The following LUZP1 variants were observed in gnomAD, a reference collection of about 807,000 sequenced individuals.
The protein encoded by LUZP1 is leucine zipper protein 1, also known as filamin mechanobinding actin cross-linking protein.
In LUZP1, 25 loss-of-function variants were observed where a neutral mutation model predicts 71.3. The observed-to-expected ratio is 0.35, with a 90% confidence interval of 0.26 to 0.49. The LOEUF is 0.49. Ranked by LOEUF, LUZP1 falls within the 20% of genes least tolerant of loss-of-function variation. The pLI is 0.99. For synonymous variants in LUZP1, 481 were observed against 506.4 expected, an observed-to-expected ratio of 0.95 and a Z score of 0.67; for missense variants, 1,142 against 1,300.8, an observed-to-expected ratio of 0.88 and a Z score of 1.88.
At chr1:23,139,264 T>C (rs1236451522) in intron 2 of LUZP1, among the ~76,000 whole-genome samples, 1 of 151,732 alleles carries the variant, frequency 6.6e-6, no homozygotes, top group Admixed American at 6.6e-5. Context: ...GCATGTACTA[T>C]AAAGTGGGAA....
chr1:23,100,451 G>T (rs1643921862), intron 3 of LUZP1, among the ~76,000 whole-genome samples: 1 of 152,088 alleles, frequency 6.6e-6, no homozygotes, highest in Non-Finnish European at 1.5e-5. Flanking sequence ...CTCTCCCCCT[G>T]ACCTGCTGGG....
intron 2 of LUZP1, among the ~76,000 whole-genome samples, chr1:23,139,714 G>C (rs548462183): frequency 1.3e-4 from 20 of 152,308 alleles, no homozygotes; most frequent in African/African-American, 4.1e-4. Context: ...TTGAGAGGCT[G>C]AAGCAAGAGG....
chr1:23,157,956 G>A (rs1276169776), intron 2 of LUZP1, among the ~76,000 whole-genome samples: 7 of 152,012 alleles, frequency 4.6e-5, no homozygotes, highest in African/African-American at 1.5e-4. Flanking sequence ...AAGTTGTAGT[G>A]AGCTATTATT....
chr1:23,172,387 A>G (rs1469725171), intron 1 of LUZP1, among the ~76,000 whole-genome samples: 1 of 152,162 alleles, frequency 6.6e-6, no homozygotes. Flanking sequence ...GGCCAGGCGC[A>G]GTGGCTCACA....
intron 3 of LUZP1, among the ~76,000 whole-genome samples, chr1:23,104,243 G>A (rs1474684157): frequency 2.7e-5 from 4 of 150,802 alleles, no homozygotes; most frequent in Non-Finnish European, 4.4e-5. Flanking sequence ...GAAGAGGCAC[G>A]ATCTCAGCTC....
intron 3 of LUZP1, among the ~76,000 whole-genome samples, chr1:23,107,516 G>T (rs2124634076): frequency 6.6e-6 from 1 of 152,318 alleles, no homozygotes; most frequent in Non-Finnish European, 1.5e-5. Flanking sequence ...ATAGGTATGT[G>T]TAGGCTGGGT....
At chr1:23,131,678 A>ATTTAT (rs55796859) in intron 2 of LUZP1, among the ~76,000 whole-genome samples, 26,684 of 151,336 alleles carry the variant, frequency 0.18, 2,464 homozygotes, top group Middle Eastern at 0.3. Flanking sequence ...TTATTCATTT[A>ATTTAT]TTTATTTTAT....
exon 4 of LUZP1, chr1:23,091,950 C>A (rs576533371): frequency 6.2e-7 from 1 of 1,613,966 alleles, no homozygotes; most frequent in Non-Finnish European, 8.5e-7. Flanking sequence ...TGTTCCAGAT[C>A]CTCCCATGAT....
At chr1:23,174,244 G>C (rs1197378213) in intron 1 of LUZP1, among the ~76,000 whole-genome samples, 1 of 152,198 alleles carries the variant, frequency 6.6e-6, no homozygotes, top group Admixed American at 6.5e-5. Flanking sequence ...AATGTCCAAG[G>C]GCAGGAGAAG....
chr1:23,152,072 A>G (rs1569679405), intron 2 of LUZP1, among the ~76,000 whole-genome samples: 1 of 152,086 alleles, frequency 6.6e-6, no homozygotes, highest in Non-Finnish European at 1.5e-5. Context: ...GAAATGGAAG[A>G]CCATTTTAAC....
chr1:23,136,782 TGGTG>T (rs1644257835), intron 2 of LUZP1, among the ~76,000 whole-genome samples: 1 of 152,086 alleles, frequency 6.6e-6, no homozygotes, highest in Admixed American at 6.6e-5. Flanking sequence ...CCGGGCGTGG[TGGTG>T]GGTGCCTGTA....
At chr1:23,100,871 C>G (rs1643926157) in intron 3 of LUZP1, among the ~76,000 whole-genome samples, 2 of 152,118 alleles carry the variant, frequency 1.3e-5, no homozygotes, top group East Asian at 1.9e-4. Flanking sequence ...TCATTCAAAC[C>G]CCTTATTTTA....
intron 3 of LUZP1, among the ~76,000 whole-genome samples, chr1:23,101,465 GT>G (rs145131771): frequency 0.04 from 6,132 of 152,206 alleles, 410 homozygotes; most frequent in African/African-American, 0.14. Flanking sequence ...ATACCATACT[GT>G]TTGGCCAAGT....
chr1:23,091,741 G>A, exon 4 of LUZP1: 1 of 1,613,986 alleles, frequency 6.2e-7, no homozygotes, highest in South Asian at 1.1e-5. Flanking sequence ...AGCTCAAAAG[G>A]GGAGCTGACA....
In LUZP1 at chr1:23,092,247, T is replaced by C. The variant is rs376588481; in HGVS notation, c.2015A>G (p.Lys672Arg). The C allele has an allele frequency of 1.1e-4, 177 of 1,614,068 alleles. No homozygotes were observed. Among genetic ancestry groups the C allele is most frequent in the Non-Finnish European group, 1.5e-4 (174 of 1,180,014 alleles). ...TGGAGTGATGGTTGTATTTACCAAC[T>C]TGGCAGTAACAAGAGATGCTATGTC... Residue 672 changes from lysine to arginine, a missense_variant, in exon 4 of 5, where the codon AAG becomes AGG. Transcript: ENST00000302291.
At chr1:23,176,885 GT>G (rs1644585389) in intron 1 of LUZP1, among the ~76,000 whole-genome samples, 1 of 112,028 alleles carries the variant, frequency 8.9e-6, no homozygotes, top group African/African-American at 3.6e-5. Flanking sequence ...GGGGTTTTTT[GT>G]TTTTTGTTTT....
At position 23,122,149 on chromosome 1, in the gene LUZP1, G is replaced by C. The variant is rs1234667245; in HGVS notation, c.-225-13022C>G. ...CAAAAGACACTTAACACCTACAATG[G>C]TGCCAGGCATACATTTGAGTGGGCA... On this transcript the variant is annotated intron_variant, in intron 2 of 4. Transcript: ENST00000302291. 2.0e-5 allele frequency among the ~76,000 whole-genome samples: 3 copies of C among 151,950 alleles called. No individual in the cohort carries two copies. The East Asian group carries it at 5.8e-4, about 29-fold the overall frequency.
chr1:23,133,222 G>A (rs557944342), intron 2 of LUZP1, among the ~76,000 whole-genome samples: 1 of 152,308 alleles, frequency 6.6e-6, no homozygotes, highest in South Asian at 2.1e-4. Flanking sequence ...TATACGAACA[G>A]ATCTTTCTAA....
At chr1:23,092,424 T>C in exon 4 of LUZP1, 1 of 1,614,208 alleles carries the variant, frequency 6.2e-7, no homozygotes, top group South Asian at 1.1e-5. Flanking sequence ...AAGGATGTTC[T>C]CTTGGCTTCT....
Sources: allele counts gnomAD v4.1 joint callset (sites outside exome capture counted in the v4.1 genomes callset), GRCh38; gene constraint gnomAD v4.1.1; transcripts MANE v1.5; gene names NCBI Gene and HGNC (gene_info 2026-07-23, HGNC 2026-07-21).